ITCH: variants seen among roughly 807,000 people sequenced by gnomAD.
ITCH encodes E3 ubiquitin-protein ligase Itchy homolog.
In ITCH, 28 loss-of-function variants were observed where a neutral mutation model predicts 126.8. The observed-to-expected ratio is 0.22, with a 90% CI of 0.16 to 0.30. ITCH has a LOEUF of 0.30. Ranked by LOEUF, ITCH falls within the 10% of genes least tolerant of loss-of-function variation. The pLI is 1.00. For synonymous variants in ITCH, 342 were observed against 340.0 expected, an observed-to-expected ratio of 1.01 and a Z score of -0.06; for missense variants, 631 against 1,032.4, an observed-to-expected ratio of 0.61 and a Z score of 5.33.
At chr20:34,461,109 G>A (rs981475271) in intron 13 of ITCH, among the ~76,000 whole-genome samples, 1 of 152,110 alleles carries the variant, frequency 6.6e-6, no homozygotes, top group Admixed American at 6.5e-5. Context: ...TGGAGGTGTG[G>A]CAGATCATAT....
At chr20:34,403,100 C>A (rs2146117363) in intron 3 of ITCH, among the ~76,000 whole-genome samples, 1 of 152,204 alleles carries the variant, frequency 6.6e-6, no homozygotes, top group Non-Finnish European at 1.5e-5. Flanking sequence ...GGGCAGAGTT[C>A]TTCCAAAGAG....
intron 14 of ITCH, 115 bp from the exon 15 acceptor site, chr20:34,469,933 T>A: frequency 1.3e-6 from 1 of 799,222 alleles, no homozygotes; most frequent in South Asian, 1.3e-5. Flanking sequence ...AGGAATATGC[T>A]ATATTTTTGA....
At chr20:34,404,647 C>T (rs902980408) in intron 3 of ITCH, among the ~76,000 whole-genome samples, 1 of 152,032 alleles carries the variant, frequency 6.6e-6, no homozygotes, top group African/African-American at 2.4e-5. Context: ...TCCTGACCCC[C>T]GTTGATCCTT....
intron 23 of ITCH, among the ~76,000 whole-genome samples, chr20:34,494,967 A>G (rs1476724136): frequency 5.9e-5 from 9 of 151,566 alleles, no homozygotes; most frequent in African/African-American, 2.2e-4. Context: ...TTAAAAATAC[A>G]TACACTGGGC....
At chr20:34,442,527 T>G (rs1983883092) in intron 10 of ITCH, among the ~76,000 whole-genome samples, 1 of 152,194 alleles carries the variant, frequency 6.6e-6, no homozygotes, top group Non-Finnish European at 1.5e-5. Flanking sequence ...CTTCTTTTCT[T>G]TATTTTATAG....
intron 6 of ITCH, among the ~76,000 whole-genome samples, chr20:34,419,061 C>T (rs900346412): frequency 3.9e-5 from 6 of 152,136 alleles, no homozygotes; most frequent in Non-Finnish European, 7.3e-5. Context: ...CCGCGCCCAG[C>T]TGTAAAACTC....
intron 11 of ITCH, among the ~76,000 whole-genome samples, chr20:34,447,929 C>A (rs1373864354): frequency 1.3e-5 from 2 of 152,176 alleles, no homozygotes; most frequent in African/African-American, 4.8e-5. Context: ...AGCAGGGGAG[C>A]TGCTCTATAT....
intron 14 of ITCH, chr20:34,466,219 G>T: frequency 2.8e-6 from 1 of 357,970 alleles, no homozygotes; most frequent in South Asian, 2.3e-5. Flanking sequence ...GGTATATTAT[G>T]TTGATTTTTC....
chr20:34,481,935 TGGGA>T (rs1988782992), intron 20 of ITCH, among the ~76,000 whole-genome samples: 1 of 152,122 alleles, frequency 6.6e-6, no homozygotes, highest in South Asian at 2.1e-4. Context: ...GGCTTGAACC[TGGGA>T]GGCGGGGATT....
intron 7 of ITCH, among the ~76,000 whole-genome samples, chr20:34,428,218 T>C (rs1568929832): frequency 6.6e-6 from 1 of 152,246 alleles, no homozygotes; most frequent in Non-Finnish European, 1.5e-5. Context: ...TAATGAGTAG[T>C]AGTCATAGCT....
intron 7 of ITCH, among the ~76,000 whole-genome samples, chr20:34,433,834 A>G (rs955981192): frequency 6.6e-6 from 1 of 152,148 alleles, no homozygotes; most frequent in African/African-American, 2.4e-5. Flanking sequence ...ACCATTATAC[A>G]GTGTGTGATT....
chr20:34,443,203 G>A (rs916488655), intron 10 of ITCH, among the ~76,000 whole-genome samples: 1 of 151,812 alleles, frequency 6.6e-6, no homozygotes, highest in South Asian at 2.1e-4. Flanking sequence ...ATGGTGTTAA[G>A]CCTTTAACAT....
chr20:34,414,133 C>A (rs1979462866), intron 6 of ITCH, among the ~76,000 whole-genome samples: 1 of 146,058 alleles, frequency 6.8e-6, no homozygotes, highest in African/African-American at 2.5e-5. Context: ...CAGAGTGAGA[C>A]CTTGTTTCTT....
intron 17 of ITCH, among the ~76,000 whole-genome samples, chr20:34,478,069 A>G (rs1258462698): frequency 1.3e-5 from 2 of 152,216 alleles, no homozygotes; most frequent in Admixed American, 1.3e-4. Flanking sequence ...GATTTCACCC[A>G]CATCACTCAT....
intron 3 of ITCH, among the ~76,000 whole-genome samples, chr20:34,400,498 G>T (rs561862809): frequency 6.6e-6 from 1 of 152,080 alleles, no homozygotes; most frequent in South Asian, 2.1e-4. Flanking sequence ...TAATAGGGGA[G>T]CCCTGAGAAT....
At chr20:34,502,101 G>A (rs1253163596) in intron 23 of ITCH, among the ~76,000 whole-genome samples, 1 of 152,172 alleles carries the variant, frequency 6.6e-6, no homozygotes, top group Non-Finnish European at 1.5e-5. Flanking sequence ...CACAGAAGTT[G>A]TATGGTTTAG....
chr20:34,436,754 G>A (rs778364327), intron 7 of ITCH, among the ~76,000 whole-genome samples: 4 of 152,182 alleles, frequency 2.6e-5, no homozygotes, highest in Non-Finnish European at 4.4e-5. Context: ...TATAGTGCTC[G>A]TCCGTTTGGT....
intron 2 of ITCH, among the ~76,000 whole-genome samples, chr20:34,392,868 C>A (rs1243729025): frequency 2.0e-5 from 3 of 152,034 alleles, no homozygotes; most frequent in South Asian, 2.1e-4. Context: ...CAGAAGGACC[C>A]CCCCAGCCCG....
chr20:34,364,231 A>G (rs1386161937), intron 1 of ITCH, among the ~76,000 whole-genome samples: 2 of 152,146 alleles, frequency 1.3e-5, no homozygotes, highest in Non-Finnish European at 2.9e-5. Context: ...CATTATCCCC[A>G]ATAACAACGC....
Sources: allele counts gnomAD v4.1 joint callset (sites outside exome capture counted in the v4.1 genomes callset), GRCh38; gene constraint gnomAD v4.1.1; transcripts MANE v1.5; gene names NCBI Gene and HGNC (gene_info 2026-07-23, HGNC 2026-07-21).